The following SOX5 variants were observed in gnomAD, a reference collection of about 807,000 sequenced individuals.
The protein encoded by SOX5 is transcription factor SOX-5.
In SOX5, 9 loss-of-function variants were observed where a neutral mutation model predicts 92.0. That is an observed-to-expected ratio of 0.10 (90% CI 0.06 to 0.17). SOX5 has a LOEUF of 0.17. Ranked by LOEUF, SOX5 falls within the 10% of genes least tolerant of loss-of-function variation. SOX5 has a pLI of 1.00. For synonymous variants in SOX5, 344 were observed against 336.3 expected, an observed-to-expected ratio of 1.02 and a Z score of -0.25; for missense variants, 642 against 944.5, an observed-to-expected ratio of 0.68 and a Z score of 4.20.
chr12:23,680,635 T>C (rs1159762849), intron 6 of SOX5, among the ~76,000 whole-genome samples: 3 of 151,980 alleles, frequency 2.0e-5, no homozygotes, highest in Non-Finnish European at 4.4e-5. Flanking sequence ...TTGAAAGATA[T>C]AGGCCCATAA....
intron 2 of SOX5, among the ~76,000 whole-genome samples, chr12:24,327,980 C>T (rs1950903706): frequency 6.6e-6 from 1 of 152,142 alleles, no homozygotes; most frequent in Non-Finnish European, 1.5e-5. Flanking sequence ...GCATGAACCA[C>T]CGCACCCAGC....
At chr12:23,534,665 T>A in intron 14 of SOX5, 143 bp from the exon 15 acceptor site, 1 of 628,310 alleles carries the variant, frequency 1.6e-6, no homozygotes, top group Non-Finnish European at 2.7e-6. Flanking sequence ...TCAAACTCCA[T>A]CCTACTTGAA....
Position 24,451,876 on chromosome 12 carries a change from C to T in SOX5, c.-250-83237G>A, listed in dbSNP as rs573586731. Reference sequence around the variant, plus strand: ...TAGCTACTCTAGGAATTATAGATGCCATTAGAAAAGTAATAATTTGTATTA... The same window carrying T: ...TAGCTACTCTAGGAATTATAGATGCTATTAGAAAAGTAATAATTTGTATTA... On this transcript the variant is annotated intron_variant, in intron 1 of 4. Transcript: ENST00000446891. Among the ~76,000 whole-genome samples, 11 of 152,256 alleles carry T rather than the reference C, an allele frequency of 7.2e-5. No homozygotes were observed. In the East Asian group the frequency reaches 2.1e-3, roughly 29 times the overall value.
intron 3 of SOX5, among the ~76,000 whole-genome samples, chr12:23,808,727 T>C (rs935854771): frequency 1.3e-5 from 2 of 152,164 alleles, no homozygotes; most frequent in South Asian, 2.1e-4. Context: ...TCGTAATCCA[T>C]TTATGAATAC....
At chr12:24,013,369 A>C (rs1431410679) in intron 4 of SOX5, among the ~76,000 whole-genome samples, 1 of 152,182 alleles carries the variant, frequency 6.6e-6, no homozygotes, top group Non-Finnish European at 1.5e-5. Context: ...TGTCCCCTCA[A>C]AACCTAAGAC....
intron 1 of SOX5, among the ~76,000 whole-genome samples, chr12:24,527,875 C>T (rs572777983): frequency 6.6e-6 from 1 of 152,328 alleles, no homozygotes; most frequent in East Asian, 1.9e-4. Context: ...TGAGTCATCA[C>T]AACTTGTAAT....
At chr12:24,010,362 T>A (rs1952773879) in intron 4 of SOX5, among the ~76,000 whole-genome samples, 1 of 152,154 alleles carries the variant, frequency 6.6e-6, no homozygotes, top group Admixed American at 6.6e-5. Flanking sequence ...AATGAATATG[T>A]GTGTATGGAG....
At position 23,546,546 on chromosome 12, in the gene SOX5, C is replaced by A. The variant is rs1200453258; in HGVS notation, c.1489-122G>T. On this transcript the variant is annotated intron_variant, in intron 11 of 14. Transcript: ENST00000451604. Reference sequence around the variant, plus strand: ...AAGGATGCAATGTTGATATATTCACCTTTTTACGTTCAGCACATTAACCTG... The same window carrying A: ...AAGGATGCAATGTTGATATATTCACATTTTTACGTTCAGCACATTAACCTG... The A allele has an allele frequency of 4.8e-6, 3 of 619,182 alleles. No homozygotes were observed. In the African/African-American group the frequency reaches 5.6e-5, roughly 12 times the overall value. 38.4% of individuals were successfully genotyped at this position (619,182 alleles called of 1,614,324 possible).
At chr12:24,184,198 A>C (rs1955798770) in intron 4 of SOX5, among the ~76,000 whole-genome samples, 2 of 152,180 alleles carry the variant, frequency 1.3e-5, no homozygotes, top group Admixed American at 1.3e-4. Context: ...ACAACCAGAA[A>C]GAAATCTTTA....
At chr12:24,409,892 A>T (rs1963749646) in intron 1 of SOX5, among the ~76,000 whole-genome samples, 1 of 152,148 alleles carries the variant, frequency 6.6e-6, no homozygotes. Context: ...TCTTGACACT[A>T]GTACTTTGTC....
intron 2 of SOX5, among the ~76,000 whole-genome samples, chr12:24,287,577 A>C (rs1301015594): frequency 7.2e-6 from 1 of 139,774 alleles, no homozygotes; most frequent in Non-Finnish European, 1.5e-5. Flanking sequence ...TCTTAAAAAC[A>C]GTGATTCTCA....
chr12:23,958,036 T>A lies in SOX5; in HGVS notation c.-1-62012A>T, dbSNP rs535141548. Among the ~76,000 whole-genome samples the A allele has an allele frequency of 2.0e-5, 3 of 152,210 alleles. No individual in the cohort carries two copies. The South Asian group carries it at 6.2e-4, about 32-fold the overall frequency. On this transcript the variant is annotated intron_variant, in intron 4 of 4. Transcript: ENST00000446891. ...GGTCTATAATCAGAAATATTTATTT[T>A]TAAATCTTGCATAGAGTCAAAGTGT...
chr12:24,311,726 T>C (rs983138434), intron 2 of SOX5, among the ~76,000 whole-genome samples: 10 of 152,178 alleles, frequency 6.6e-5, no homozygotes, highest in Non-Finnish European at 7.3e-5. Context: ...CTTAGTTCTA[T>C]TTAAAAGCTG....
chr12:24,191,690 C>A (rs1346379764), intron 4 of SOX5, among the ~76,000 whole-genome samples: 1 of 152,202 alleles, frequency 6.6e-6, no homozygotes, highest in Non-Finnish European at 1.5e-5. Context: ...TCCATTGTCC[C>A]AGTGACAACT....
chr12:24,539,639 T>C (rs1951942459), intron 1 of SOX5, among the ~76,000 whole-genome samples: 1 of 152,152 alleles, frequency 6.6e-6, no homozygotes, highest in Non-Finnish European at 1.5e-5. Context: ...AATTGTTTGC[T>C]CTCCTTATAC....
intron 2 of SOX5, among the ~76,000 whole-genome samples, chr12:23,885,691 A>C (rs2097056153): frequency 6.6e-6 from 1 of 152,148 alleles, no homozygotes. Flanking sequence ...AAAATGGTCT[A>C]GGGGAAAATT....
chr12:23,937,164 G>A (rs555083780), intron 1 of SOX5, among the ~76,000 whole-genome samples: 1 of 150,824 alleles, frequency 6.6e-6, no homozygotes, highest in African/African-American at 2.4e-5. Context: ...AAAAGACAAA[G>A]TATATCTCAG....
At chr12:23,771,080 T>C (rs149893882) in intron 3 of SOX5, among the ~76,000 whole-genome samples, 19 of 151,532 alleles carry the variant, frequency 1.3e-4, no homozygotes, top group Non-Finnish European at 2.5e-4. Flanking sequence ...AATTTCTTCA[T>C]ACATATCGTA....
chr12:24,150,497 C>T (rs561384262), intron 4 of SOX5, among the ~76,000 whole-genome samples: 2 of 152,114 alleles, frequency 1.3e-5, no homozygotes, highest in South Asian at 2.1e-4. Context: ...TTGGTGACCA[C>T]GAGCATTTCA....
Sources: gnomAD v4.1 joint callset for allele counts (sites outside exome capture counted in the v4.1 genomes callset) on GRCh38, gnomAD v4.1.1 for gene constraint, MANE v1.5 for transcripts, NCBI Gene and HGNC (gene_info 2026-07-23, HGNC 2026-07-21) for gene names.